Variants in TSPAN12 observed in about 807,000 individuals in gnomAD.
TSPAN12 encodes the protein tetraspanin 12.
A neutral mutation model predicts 39.2 loss-of-function variants in TSPAN12; 19 were observed. The observed-to-expected ratio is 0.49, with a 90% CI of 0.34 to 0.71. The LOEUF is 0.71. Among genes scored for constraint, TSPAN12 ranks in the 30% least tolerant of loss-of-function variants. The probability of loss-of-function intolerance (pLI) is 0.01; values close to 1 mark genes in which losing one functional copy is unlikely to be tolerated. For missense variants in TSPAN12, 314 were observed against 359.9 expected (o/e 0.87, Z 1.03); for synonymous variants, 119 against 124.8 (o/e 0.95, Z 0.31).
intron 2 of TSPAN12, 71 bp downstream of exon 2, chr7:120,856,627 C>A: frequency 2.0e-6 from 3 of 1,463,976 alleles, no homozygotes; most frequent in South Asian, 2.3e-5. Context: ...TGCCCTTTGG[C>A]GCATTATCCG....
chr7:120,789,511 A>G (rs913964957), intron 7 of TSPAN12, among the ~76,000 whole-genome samples: 4 of 152,234 alleles, frequency 2.6e-5, no homozygotes, highest in African/African-American at 9.6e-5. Context: ...TTCTGTGGGA[A>G]ACTAACATAG....
At chr7:120,840,473 T>C (rs752055852) in intron 2 of TSPAN12, among the ~76,000 whole-genome samples, 13 of 138,424 alleles carry the variant, frequency 9.4e-5, no homozygotes, top group African/African-American at 1.9e-4. Flanking sequence ...ATACTATTAC[T>C]GAACAATTAA....
At chr7:120,816,056 T>C (rs954115697) in intron 4 of TSPAN12, among the ~76,000 whole-genome samples, 1 of 152,144 alleles carries the variant, frequency 6.6e-6, no homozygotes, top group Non-Finnish European at 1.5e-5. Context: ...ACTAGTTTCA[T>C]TAGGATAAAT....
intron 4 of TSPAN12, among the ~76,000 whole-genome samples, chr7:120,821,288 A>C (rs1169548654): frequency 1.3e-5 from 2 of 152,160 alleles, no homozygotes. Context: ...CACCCCCTAA[A>C]TGATGTAATC....
intron 2 of TSPAN12, among the ~76,000 whole-genome samples, chr7:120,856,452 T>C (rs983124918): frequency 1.3e-5 from 2 of 152,234 alleles, no homozygotes; most frequent in Non-Finnish European, 2.9e-5. Context: ...TATCCCTAGA[T>C]TAACTTCAAG....
intron 2 of TSPAN12, among the ~76,000 whole-genome samples, chr7:120,845,814 C>G (rs1041584908): frequency 6.6e-6 from 1 of 152,198 alleles, no homozygotes; most frequent in Non-Finnish European, 1.5e-5. Context: ...GTCTTCTGAG[C>G]CTTTCAAACT....
At chr7:120,852,741 C>A (rs1794792490) in intron 2 of TSPAN12, among the ~76,000 whole-genome samples, 1 of 152,150 alleles carries the variant, frequency 6.6e-6, no homozygotes, top group Admixed American at 6.5e-5. Flanking sequence ...CTGTTTCCAG[C>A]AATTTAACTT....
intron 4 of TSPAN12, among the ~76,000 whole-genome samples, chr7:120,834,962 C>T (rs1176242179): frequency 6.6e-6 from 1 of 152,140 alleles, no homozygotes; most frequent in East Asian, 1.9e-4. Flanking sequence ...CAGTCAAATT[C>T]CTCTGTTAAA....
Position 120,827,521 on chromosome 7 carries a change from A to G in TSPAN12, c.285+11256T>C, listed in dbSNP as rs769565742. Among the ~76,000 whole-genome samples the G allele has an allele frequency of 5.9e-5, 9 of 152,238 alleles. 1 individual carries two copies. Among genetic ancestry groups the G allele is most frequent in the Non-Finnish European group, 1.3e-4 (9 of 68,046 alleles). ...AAAAATGATGTATAAACAACGATAA[A>G]ATTATTAAATCAGCGAAGTTGCCAA... On this transcript the variant is annotated intron_variant, in intron 4 of 7. Transcript: ENST00000222747.
chr7:120,794,465 G>T (rs562944829), intron 7 of TSPAN12, among the ~76,000 whole-genome samples: 1 of 152,094 alleles, frequency 6.6e-6, no homozygotes, highest in Admixed American at 6.5e-5. Flanking sequence ...CTTTAAAAGT[G>T]TGTAGCACCA....
chr7:120,849,404 T>C (rs771190564), intron 2 of TSPAN12, among the ~76,000 whole-genome samples: 1 of 152,204 alleles, frequency 6.6e-6, no homozygotes, highest in African/African-American at 2.4e-5. Context: ...AAGTGTATTA[T>C]GAAATGTGTA....
At chr7:120,845,623 T>C (rs910885614) in intron 2 of TSPAN12, among the ~76,000 whole-genome samples, 3 of 152,244 alleles carry the variant, frequency 2.0e-5, no homozygotes, top group African/African-American at 4.8e-5. Context: ...AGGGGAACAA[T>C]GCCACAAGTC....
At chr7:120,846,738 C>T (rs1474622496) in intron 2 of TSPAN12, among the ~76,000 whole-genome samples, 2 of 152,164 alleles carry the variant, frequency 1.3e-5, no homozygotes, top group African/African-American at 4.8e-5. Context: ...ACAGGTTAAT[C>T]AACTTATCAG....
intron 4 of TSPAN12, among the ~76,000 whole-genome samples, chr7:120,831,170 G>A (rs1159197998): frequency 6.6e-6 from 1 of 151,820 alleles, no homozygotes; most frequent in African/African-American, 2.4e-5. Context: ...GGCTGTGGGG[G>A]AAAAAAATCC....
intron 7 of TSPAN12, among the ~76,000 whole-genome samples, chr7:120,806,241 A>G (rs1282459684): frequency 2.6e-5 from 4 of 152,074 alleles, no homozygotes. Context: ...AGTGTTAGCT[A>G]CATACTCTGC....
chr7:120,799,525 T>C (rs1176094692), intron 7 of TSPAN12, among the ~76,000 whole-genome samples: 2 of 112,352 alleles, frequency 1.8e-5, no homozygotes, highest in Non-Finnish European at 3.4e-5. Context: ...TATAATTAAT[T>C]ATATATAATT....
chr7:120,851,738 T>C (rs952136980), intron 2 of TSPAN12, among the ~76,000 whole-genome samples: 2 of 152,172 alleles, frequency 1.3e-5, no homozygotes, highest in African/African-American at 2.4e-5. Context: ...TACTCCACCA[T>C]GGAGAGAAGG....
intron 2 of TSPAN12, among the ~76,000 whole-genome samples, chr7:120,840,903 C>T (rs760700996): frequency 6.6e-6 from 1 of 152,218 alleles, no homozygotes; most frequent in Non-Finnish European, 1.5e-5. Flanking sequence ...TCCTCAATGG[C>T]TGCAATTTTA....
At chr7:120,803,788 CA>C (rs1427655268) in intron 7 of TSPAN12, among the ~76,000 whole-genome samples, 1 of 152,038 alleles carries the variant, frequency 6.6e-6, no homozygotes, top group Non-Finnish European at 1.5e-5. Flanking sequence ...TGGCTTGTTT[CA>C]ATTTCAAAAT....
Sources: allele counts gnomAD v4.1 joint callset (sites outside exome capture counted in the v4.1 genomes callset), GRCh38; gene constraint gnomAD v4.1.1; transcripts MANE v1.5; gene names NCBI Gene and HGNC (gene_info 2026-07-23, HGNC 2026-07-21).